Variants in IFT46 observed in about 807,000 individuals in gnomAD.
IFT46 encodes the protein intraflagellar transport protein 46 homolog.
In IFT46, 19 loss-of-function variants were observed where a neutral mutation model predicts 39.6. That is an observed-to-expected ratio of 0.48 (90% confidence interval 0.33 to 0.70). IFT46 has a LOEUF of 0.70. IFT46 is among the 30% of genes least tolerant of loss of function. The pLI is 0.01. For missense variants in IFT46, 334 were observed against 364.8 expected (o/e 0.92, Z 0.69); for synonymous variants, 117 against 134.8 (o/e 0.87, Z 0.91).
chr11:118,545,018 G>A lies in IFT46; in HGVS notation c.820-7C>T, dbSNP rs782074729. The stretch of plus-strand genomic sequence containing the variant: ...CAGCGAGAGCTTTAAAATGCTGCAA[G>A]GAAGAGGAGAGGGAATATTGAGTAT... On this transcript the variant is annotated splice_polypyrimidine_tract_variant and splice_region_variant and intron_variant, in intron 11 of 11. Transcript: ENST00000264021. 1 of 1,594,300 alleles carries A rather than the reference G, an allele frequency of 6.3e-7. No individual in the cohort carries two copies. The highest frequency in any genetic ancestry group is 8.6e-7 in the Non-Finnish European group (1 of 1,163,364).
At chr11:118,572,480 G>T (rs1267579050) in intron 1 of IFT46, 3 of 1,570,968 alleles carry the variant, frequency 1.9e-6, no homozygotes, top group African/African-American at 1.4e-5. Context: ...TGGTGCTCCC[G>T]TTCCCCAGAC....
At chr11:118,545,998 T>A in intron 9 of IFT46, 145 bp from the exon 10 acceptor site, 1 of 729,180 alleles carries the variant, frequency 1.4e-6, no homozygotes, top group Non-Finnish European at 2.5e-6. Flanking sequence ...GATATTGAGT[T>A]CCTAACTCCC....
chr11:118,561,779 T>C (rs1555070630), intron 2 of IFT46, among the ~76,000 whole-genome samples: 3 of 152,190 alleles, frequency 2.0e-5, no homozygotes, highest in Non-Finnish European at 4.4e-5. Context: ...CAAATAATAG[T>C]CACAAGTTTG....
chr11:118,573,706 C>G, upstream of IFT46: 1 of 699,096 alleles, frequency 1.4e-6, no homozygotes, highest in South Asian at 1.5e-5. Context: ...TATTGACAAC[C>G]CTTTAGATAA....
intron 2 of IFT46, chr11:118,561,403 G>A (rs1555070560): frequency 1.2e-6 from 1 of 827,574 alleles, no homozygotes; most frequent in East Asian, 2.4e-5. Context: ...TGGAAGAGAT[G>A]TATAAGAAAG....
At chr11:118,569,040 G>C (rs1331292110), upstream of IFT46, among the ~76,000 whole-genome samples, 1 of 151,890 alleles carries the variant, frequency 6.6e-6, no homozygotes, top group African/African-American at 2.4e-5. Flanking sequence ...CAGCACTCTG[G>C]GAGGCTGAGG....
intron 2 of IFT46, among the ~76,000 whole-genome samples, chr11:118,562,949 C>T (rs908235963): frequency 2.0e-5 from 3 of 151,874 alleles, no homozygotes; most frequent in Admixed American, 6.6e-5. Context: ...CCTGTAGTCC[C>T]AACTACTCAG....
At chr11:118,567,992 T>C (rs1938265376), upstream of IFT46, among the ~76,000 whole-genome samples, 1 of 152,210 alleles carries the variant, frequency 6.6e-6, no homozygotes, top group Non-Finnish European at 1.5e-5. Flanking sequence ...AAGTCTCTGC[T>C]TTTAACCATT....
chr11:118,554,548 A>G lies in IFT46; in HGVS notation c.394T>C (p.Leu132=), dbSNP rs1196745204. 1.2e-6 allele frequency: 2 copies of G among 1,613,126 alleles called. No homozygotes were observed. Among genetic ancestry groups the G allele is most frequent in the Admixed American group, 1.7e-5 (1 of 59,730 alleles). The change falls in exon 7 of 12, where the codon TTG becomes CTG. Residue 132 remains leucine (L), a synonymous_variant. Transcript: ENST00000264021. The part of the protein sequence containing the change: ...PDGKPDNLGL[L]VLDEPSTKQS... ...TTTGTAGAAGGTTCATCCAATACCAATAGGCCAAGGTTGTCAGGCTTTCCA... is the reference window on the plus strand; with the variant it reads ...TTTGTAGAAGGTTCATCCAATACCAGTAGGCCAAGGTTGTCAGGCTTTCCA...
At chr11:118,563,841 T>C (rs1938141635) in intron 2 of IFT46, among the ~76,000 whole-genome samples, 1 of 152,102 alleles carries the variant, frequency 6.6e-6, no homozygotes, top group Non-Finnish European at 1.5e-5. Flanking sequence ...TTCCTCAGTG[T>C]CTGGATCCCT....
At chr11:118,554,902 A>G in intron 6 of IFT46, 88 bp downstream of exon 6, 1 of 992,726 alleles carries the variant, frequency 1.0e-6, no homozygotes, top group Non-Finnish European at 1.6e-6. Context: ...AGCCAATGCT[A>G]GTCAAAGAAA....
chr11:118,553,034 A>G (rs559347290), intron 7 of IFT46, among the ~76,000 whole-genome samples: 3 of 152,082 alleles, frequency 2.0e-5, no homozygotes, highest in Non-Finnish European at 2.9e-5. Context: ...GTGAGCCCCA[A>G]TCACACCACT....
At chr11:118,565,566 C>A (rs1015147523) in intron 1 of IFT46, 2 of 151,794 alleles carry the variant, frequency 1.3e-5, no homozygotes, top group Non-Finnish European at 2.9e-5. Context: ...CAGTCCCATC[C>A]GATAATCCCA....
rs781846834 is a variant in IFT46 at position 118,556,918 on chromosome 11, G to A, written c.173C>T (p.Ala58Val). ...DSDDDDEEHG[A>V]PLEGAYDPAD... ...GTTCTTTCCTCACCCTTCCAGAGGG[G>A]CTCCATGCTCTTCATCATCATCATC... Residue 58 changes from alanine (A) to valine (V), a missense_variant, in exon 4 of 12, where the codon GCC becomes GTC. Transcript: ENST00000264021. The A allele has an allele frequency of 9.3e-6, 15 of 1,604,490 alleles. No homozygotes were observed. The East Asian group carries it at 1.8e-4, about 19-fold the overall frequency.
At chr11:118,557,756 C>T in intron 3 of IFT46, 1 of 1,614,130 alleles carries the variant, frequency 6.2e-7, no homozygotes, top group South Asian at 1.1e-5. Flanking sequence ...GCTTCTGGCT[C>T]TCTCTGTACC....
Position 118,558,701 on chromosome 11 carries a change from A to G in IFT46, c.45+1084T>C, listed in dbSNP as rs545651164. The stretch of plus-strand genomic sequence containing the variant: ...AAGGCCAAGGCAGGAGGATCACCTG[A>G]GGTCAGGAGTTCAAGACCAGTGTGG... On this transcript the variant is annotated intron_variant, in intron 3 of 11. Coordinates refer to ENST00000264021, the MANE Select transcript of IFT46 (RefSeq NM_001168618.2). Among the ~76,000 whole-genome samples the G allele has an allele frequency of 2.0e-5, 3 of 148,146 alleles. No homozygotes were observed. In the South Asian group the frequency reaches 6.5e-4, roughly 32 times the overall value.
At chr11:118,545,272 T>C in intron 11 of IFT46, 137 bp downstream of exon 11, 1 of 777,544 alleles carries the variant, frequency 1.3e-6, no homozygotes. Flanking sequence ...TTTGCTCTCC[T>C]AATTATGGGA....
At chr11:118,554,384 C>T (rs1272457002) in intron 7 of IFT46, 75 bp downstream of exon 7, 2 of 1,427,432 alleles carry the variant, frequency 1.4e-6, no homozygotes, top group Non-Finnish European at 1.9e-6. Context: ...AGTAAGTCAA[C>T]TGTATGAGTG....
At chr11:118,550,276 C>T (rs1358071168) in intron 9 of IFT46, among the ~76,000 whole-genome samples, 4 of 152,104 alleles carry the variant, frequency 2.6e-5, no homozygotes, top group Non-Finnish European at 5.9e-5. Context: ...TTTTAAGTTT[C>T]TTATTACACT....
Sources: allele counts gnomAD v4.1 joint callset (sites outside exome capture counted in the v4.1 genomes callset), GRCh38; gene constraint gnomAD v4.1.1; transcripts MANE v1.5; gene names NCBI Gene and HGNC (gene_info 2026-07-23, HGNC 2026-07-21).